PDE7B: variants seen among roughly 807,000 people sequenced by gnomAD.
The protein encoded by PDE7B is 3',5'-cyclic-AMP phosphodiesterase 7B.
PDE7B carries 29 observed loss-of-function variants against 56.2 expected under a neutral mutation model. The ratio of observed to expected loss-of-function variants is 0.52; its 90% CI spans 0.38 to 0.70. The LOEUF (loss-of-function observed/expected upper bound fraction) is 0.70. PDE7B is among the 30% of genes least tolerant of loss of function. PDE7B has a pLI of 0.00. For synonymous variants in PDE7B, 197 were observed against 196.9 expected, an observed-to-expected ratio of 1.00 and a Z score of 0.00; for missense variants, 490 against 565.0, an observed-to-expected ratio of 0.87 and a Z score of 1.35.
At chr6:136,109,108 G>C (rs1156316788) in intron 3 of PDE7B, among the ~76,000 whole-genome samples, 3 of 152,138 alleles carry the variant, frequency 2.0e-5, no homozygotes, top group Non-Finnish European at 4.4e-5. Flanking sequence ...CAGCACTTCG[G>C]GAGGCCAAGG....
chr6:135,963,435 T>C (rs1374013624), intron 2 of PDE7B, among the ~76,000 whole-genome samples: 1 of 152,192 alleles, frequency 6.6e-6, no homozygotes, highest in Non-Finnish European at 1.5e-5. Flanking sequence ...AAATGCTATA[T>C]AACTCTGAGT....
chr6:136,003,344 C>G (rs1349973409), intron 2 of PDE7B, among the ~76,000 whole-genome samples: 3 of 151,568 alleles, frequency 2.0e-5, no homozygotes, highest in Non-Finnish European at 4.4e-5. Flanking sequence ...CAAGAAATAA[C>G]TAAAATCAGA....
At chr6:135,893,085 T>C (rs1775837232) in intron 1 of PDE7B, among the ~76,000 whole-genome samples, 1 of 152,178 alleles carries the variant, frequency 6.6e-6, no homozygotes, top group Non-Finnish European at 1.5e-5. Context: ...TTTTTAATTA[T>C]ACTTTAAGTT....
At position 135,906,806 on chromosome 6, in the gene PDE7B, G is replaced by GTTTTTTTTT. The variant is rs1383346069; in HGVS notation, c.22-40655_22-40654insTTTTTTTTT. On this transcript the variant is annotated intron_variant, in intron 1 of 12. Coordinates refer to ENST00000308191, the MANE Select transcript of PDE7B (RefSeq NM_018945.4). ...TTCTTTTGACTCAAATGTTAATGAG[G>GTTTTTTTTT]TTTGTTTTTTTTTTTTTTTTTTTTT... Among the ~76,000 whole-genome samples the GTTTTTTTTT allele has an allele frequency of 6.8e-4, 22 of 32,426 alleles. 1 individual carries two copies. Among genetic ancestry groups the GTTTTTTTTT allele is most frequent in the South Asian group, 4.7e-3 (3 of 638 alleles). The allele number at this position is 32,426 out of a possible 152,430, so 21.3% of individuals were successfully genotyped here. A position where few individuals can be genotyped will look rare whatever the true frequency, so the allele number is the denominator to read the frequency against.
intron 2 of PDE7B, among the ~76,000 whole-genome samples, chr6:136,003,661 G>A (rs1336624362): frequency 2.0e-5 from 3 of 152,330 alleles, no homozygotes; most frequent in Non-Finnish European, 4.4e-5. Context: ...GGAAGAGGTT[G>A]AATCTCTGAA....
At chr6:135,979,863 GC>G (rs1775262845) in intron 2 of PDE7B, among the ~76,000 whole-genome samples, 1 of 152,112 alleles carries the variant, frequency 6.6e-6, no homozygotes, top group Admixed American at 6.6e-5. Flanking sequence ...TGGCCATACT[GC>G]CCAAGGTAAT....
At chr6:136,099,117 A>G (rs887989100) in intron 2 of PDE7B, among the ~76,000 whole-genome samples, 4 of 151,728 alleles carry the variant, frequency 2.6e-5, no homozygotes, top group African/African-American at 9.7e-5. Context: ...ATCCTTTTTT[A>G]TGGCTACATA....
rs371568164 is a variant in PDE7B at position 136,068,715 on chromosome 6, GC to G, written c.83-40014del. On this transcript the variant is annotated intron_variant, in intron 2 of 12. Coordinates refer to ENST00000308191, the MANE Select transcript of PDE7B (RefSeq NM_018945.4). ...CAAAGTGCTGGGATTACAGGCGTGA[GC>G]CACCGTGCCCGGCCTTCAAGATTCT... Among the ~76,000 whole-genome samples the G allele has an allele frequency of 6.0e-4, 92 of 152,252 alleles. 2 individuals are homozygous for G. The South Asian group carries it at 0.018, about 30-fold the overall frequency.
At chr6:136,020,637 G>A (rs1277293807) in intron 2 of PDE7B, among the ~76,000 whole-genome samples, 1 of 151,740 alleles carries the variant, frequency 6.6e-6, no homozygotes, top group Non-Finnish European at 1.5e-5. Context: ...ACAAGCCATT[G>A]AAGATTGAAT....
chr6:136,159,581 C>A (rs1778669726), intron 8 of PDE7B, among the ~76,000 whole-genome samples: 1 of 152,098 alleles, frequency 6.6e-6, no homozygotes. Flanking sequence ...CTGAGACCTC[C>A]TAGGCTGGGG....
At chr6:135,971,026 G>A (rs1239079795) in intron 2 of PDE7B, among the ~76,000 whole-genome samples, 1 of 152,158 alleles carries the variant, frequency 6.6e-6, no homozygotes, top group Non-Finnish European at 1.5e-5. Context: ...TATGGATTGA[G>A]TTGTGTCCTG....
intron 5 of PDE7B, 75 bp from the exon 6 acceptor site, chr6:136,151,085 T>G: frequency 1.3e-6 from 1 of 784,534 alleles, no homozygotes; most frequent in South Asian, 1.5e-5. Flanking sequence ...TTACAGAGAC[T>G]TTAGGTCTTA....
intron 1 of PDE7B, among the ~76,000 whole-genome samples, chr6:135,911,152 C>A (rs1487223232): frequency 6.6e-6 from 1 of 152,194 alleles, no homozygotes; most frequent in African/African-American, 2.4e-5. Flanking sequence ...TAAACATAGT[C>A]TTTATTTACA....
chr6:136,080,346 A>C (rs1221419023), intron 2 of PDE7B, among the ~76,000 whole-genome samples: 1 of 152,240 alleles, frequency 6.6e-6, no homozygotes, highest in African/African-American at 2.4e-5. Context: ...GGCAATGAGA[A>C]CAAACATTCT....
chr6:135,879,687 G>C (rs1460964653), intron 1 of PDE7B, among the ~76,000 whole-genome samples: 1 of 152,124 alleles, frequency 6.6e-6, no homozygotes, highest in Non-Finnish European at 1.5e-5. Flanking sequence ...AATACAGTTG[G>C]AGAGGCAAAC....
intron 3 of PDE7B, among the ~76,000 whole-genome samples, chr6:136,115,753 G>T (rs776708194): frequency 2.0e-5 from 3 of 152,164 alleles, no homozygotes; most frequent in Non-Finnish European, 4.4e-5. Context: ...ATGCCAAGAA[G>T]GCCATGAAAC....
At chr6:136,050,461 A>T (rs1448773841) in intron 2 of PDE7B, among the ~76,000 whole-genome samples, 1 of 152,134 alleles carries the variant, frequency 6.6e-6, no homozygotes, top group African/African-American at 2.4e-5. Context: ...TTGTGAATTA[A>T]CAAAGTTATA....
At chr6:136,020,455 T>C (rs1776052591) in intron 2 of PDE7B, among the ~76,000 whole-genome samples, 1 of 152,232 alleles carries the variant, frequency 6.6e-6, no homozygotes, top group African/African-American at 2.4e-5. Context: ...CATTGAAATA[T>C]GCATGATAAT....
chr6:136,076,009 A>G (rs890603708), intron 2 of PDE7B, among the ~76,000 whole-genome samples: 1 of 152,164 alleles, frequency 6.6e-6, no homozygotes, highest in Admixed American at 6.5e-5. Flanking sequence ...CCTTTGATAG[A>G]ATAACAGTAA....
Sources: allele counts gnomAD v4.1 joint callset (sites outside exome capture counted in the v4.1 genomes callset), GRCh38; gene constraint gnomAD v4.1.1; transcripts MANE v1.5; gene names NCBI Gene and HGNC (gene_info 2026-07-23, HGNC 2026-07-21).